ESYT3: variants seen among roughly 807,000 people sequenced by gnomAD.
The protein encoded by ESYT3 is extended synaptotagmin-3.
A neutral mutation model predicts 111.5 loss-of-function variants in ESYT3; 101 were observed. That is an observed-to-expected ratio of 0.91 (90% CI 0.77 to 1.07). The LOEUF (loss-of-function observed/expected upper bound fraction) is 1.07. ESYT3 is among the 50% of genes least tolerant of loss of function. The pLI is 0.00. For synonymous variants in ESYT3, 416 were observed against 446.8 expected (o/e 0.93, Z 0.87); for missense variants, 1,097 against 1,109.4 (o/e 0.99, Z 0.16).
chr3:138,470,932 A>G lies in ESYT3; in HGVS notation c.1646A>G (p.Gln549Arg). The change falls in exon 17 of 23, where the codon CAG (glutamine) becomes CGG (arginine). Residue 549 changes from glutamine to arginine, a missense_variant. Physicochemically the swap from Gln to Arg is conservative, Grantham distance 43. Coordinates refer to ENST00000389567, the MANE Select transcript of ESYT3 (RefSeq NM_031913.5). ...GGAATGCTGGAGGTCCCCCTGTGCCAGATCCTCCCCTATGCTGACCTCACT... is the reference window on the plus strand; with the variant it reads ...GGAATGCTGGAGGTCCCCCTGTGCCGGATCCTCCCCTATGCTGACCTCACT... ...ALGMLEVPLCQILPYADLTLE... is the reference protein window; with the variant it reads ...ALGMLEVPLCRILPYADLTLE... The G allele has an allele frequency of 6.2e-7, 1 of 1,614,164 alleles. No individual in the cohort carries two copies. Among genetic ancestry groups the G allele is most frequent in the Non-Finnish European group, 8.5e-7 (1 of 1,180,028 alleles).
chr3:138,451,133 A>C (rs1379048459), intron 1 of ESYT3, among the ~76,000 whole-genome samples: 1 of 152,268 alleles, frequency 6.6e-6, no homozygotes, highest in Admixed American at 6.5e-5. Context: ...TATGTCATGC[A>C]CAGGTCAGCC....
chr3:138,455,450 C>G, intron 3 of ESYT3, 122 bp downstream of exon 3: 1 of 1,059,952 alleles, frequency 9.4e-7, no homozygotes, highest in Non-Finnish European at 1.3e-6. Context: ...CTGGACCTTA[C>G]AGGGGGACAC....
At chr3:138,459,150 C>T (rs1180921165) in intron 4 of ESYT3, 37 bp from the exon 5 acceptor site, 2 of 1,468,450 alleles carry the variant, frequency 1.4e-6, no homozygotes, top group East Asian at 2.5e-5. Flanking sequence ...TGGACCTACC[C>T]CTCCTCCCCA....
At position 138,460,165 on chromosome 3, in the gene ESYT3, C is replaced by T. The variant is rs574186013; in HGVS notation, c.738+131C>T. ...CCACTGAGACCTGGGCAGTCACACT[C>T]CTTATCTCATTTAATCCTTAAGACA... On this transcript the variant is annotated intron_variant, in intron 6 of 22. Coordinates refer to ENST00000389567, the MANE Select transcript of ESYT3 (RefSeq NM_031913.5). 1.4e-5 allele frequency: 10 copies of T among 728,808 alleles called. No homozygotes were observed. The East Asian group carries it at 2.4e-4, about 18-fold the overall frequency. 45.1% of individuals were successfully genotyped at this position (728,808 alleles called of 1,614,324 possible). A position where few individuals can be genotyped will look rare whatever the true frequency, so the allele number is the denominator to read the frequency against.
At chr3:138,458,996 G>GGGTCTGGGTCA (rs1236104236) in intron 4 of ESYT3, among the ~76,000 whole-genome samples, 191 bp from the exon 5 acceptor site, 3 of 152,122 alleles carry the variant, frequency 2.0e-5, no homozygotes, top group Non-Finnish European at 4.4e-5. Context: ...GCTTGGATCA[G>GGGTCTGGGTCA]GGTCTGGGTC....
rs2033609921 is a variant in ESYT3 at position 138,479,032 on chromosome 3, G to A, written c.*2178G>A. The A allele has an allele frequency of 6.6e-6, 1 of 152,112 alleles. No homozygotes were observed. The highest frequency in any genetic ancestry group is 2.1e-4 in the South Asian group (1 of 4,824). 9.4% of individuals were successfully genotyped at this position (152,112 alleles called of 1,614,324 possible). ...CACATATGCGACAACTGCAGCAGAT[G>A]GCTGTCACTAAAGGGAAACTCACGG... is the stretch of plus-strand genomic sequence containing the variant. On this transcript the variant is annotated 3_prime_UTR_variant, in exon 23 of 23. Coordinates refer to ENST00000389567, the MANE Select transcript of ESYT3 (RefSeq NM_031913.5).
chr3:138,436,631 C>T (rs1418776299), intron 1 of ESYT3, among the ~76,000 whole-genome samples: 5 of 152,176 alleles, frequency 3.3e-5, no homozygotes, highest in Admixed American at 1.3e-4. Flanking sequence ...ATAGGGGTAG[C>T]GCATGGGGCC....
In ESYT3 at chr3:138,452,851, A is replaced by G. The variant is rs190013115; in HGVS notation, c.369+762A>G. ...GGAATGACTTAGGTTAGGTATAAGA[A>G]AGGACTTCCTGATGGATGTTGATCC... On this transcript the variant is annotated intron_variant, in intron 2 of 22. Transcript: ENST00000389567. 8.3e-4 allele frequency among the ~76,000 whole-genome samples: 127 copies of G among 152,300 alleles called. 1 individual carries two copies. Among genetic ancestry groups the G allele is most frequent in the Non-Finnish European group, 1.3e-3 (87 of 68,018 alleles).
At chr3:138,442,012 T>C (rs1187820214) in intron 1 of ESYT3, among the ~76,000 whole-genome samples, 3 of 152,102 alleles carry the variant, frequency 2.0e-5, no homozygotes, top group Non-Finnish European at 4.4e-5. Flanking sequence ...CCAAGGAAAT[T>C]GTCTAGGCTA....
chr3:138,448,839 A>T (rs545644723), intron 1 of ESYT3, among the ~76,000 whole-genome samples: 4 of 152,234 alleles, frequency 2.6e-5, no homozygotes, highest in South Asian at 4.1e-4. Context: ...GCTCACTGGG[A>T]GTGAAGGCAG....
At chr3:138,472,215 G>T in intron 17 of ESYT3, 148 bp from the exon 18 acceptor site, 2 of 1,001,960 alleles carry the variant, frequency 2.0e-6, no homozygotes, top group East Asian at 2.4e-5. Flanking sequence ...CAGAATATTT[G>T]GAACACCATA....
chr3:138,472,372 G>A lies in ESYT3; in HGVS notation c.1750G>A (p.Val584Met). The change falls in exon 18 of 23, where the codon GTG (valine) becomes ATG (methionine). Residue 584 changes from valine (V) to methionine (M), a missense_variant. By Grantham distance (21) the Val-to-Met change is conservative. Coordinates refer to ENST00000389567, the MANE Select transcript of ESYT3 (RefSeq NM_031913.5). ...SMRLVLRFLQ[V>M]EERELGSPYT... is the part of the protein sequence containing the mutation. ...TCTTATCTGCTTGCAGTTCCTGCAA[G>A]TGGAGGAACGAGAGCTGGGGAGCCC... is the stretch of plus-strand genomic sequence containing the variant. 6.2e-7 allele frequency: 1 copy of A among 1,613,300 alleles called. No individual in the cohort carries two copies. Among genetic ancestry groups the A allele is most frequent in the Non-Finnish European group, 8.5e-7 (1 of 1,179,692 alleles).
rs759176715 is a variant in ESYT3, at chr3:138,459,060, A to T, written c.582-127A>T. 3 of 647,036 alleles carry T rather than the reference A, an allele frequency of 4.6e-6. No individual in the cohort carries two copies. In the African/African-American group the frequency reaches 5.5e-5, roughly 12 times the overall value. The allele number at this position is 647,036 out of a possible 1,614,324, so 40.1% of individuals were successfully genotyped here. ...GGCTACTAGGCCATGTGCCCAGTGCATAGAGCTCAGGGTCGGCAACTGGCT... is the reference window on the plus strand; with the variant it reads ...GGCTACTAGGCCATGTGCCCAGTGCTTAGAGCTCAGGGTCGGCAACTGGCT... On this transcript the variant is annotated intron_variant, in intron 4 of 22. Transcript: ENST00000389567.
At chr3:138,469,018 A>T in intron 14 of ESYT3, 137 bp downstream of exon 14, 1 of 939,990 alleles carries the variant, frequency 1.1e-6, no homozygotes, top group South Asian at 1.4e-5. Context: ...CTGATTGTGG[A>T]GTCTACTGTG....
rs199809846 is a variant in ESYT3 at position 138,473,555 on chromosome 3, C to T, written c.2257C>T (p.Arg753Trp). Reference sequence around the variant, plus strand: ...TTACAGAGGTGGGGACCTCAGGCGACGGCAGCTGGGTGAGATTCAGCTCAC... The same window carrying T: ...TTACAGAGGTGGGGACCTCAGGCGATGGCAGCTGGGTGAGATTCAGCTCAC... The part of the protein sequence containing the change: ...LNIEGGDLRR[R>W]QLGEIQLTVR... The change falls in exon 19 of 23, where the codon CGG (arginine) becomes TGG (tryptophan). Residue 753 changes from arginine (R) to tryptophan (W), a missense_variant. Coordinates refer to ENST00000389567, the MANE Select transcript of ESYT3 (RefSeq NM_031913.5). The T allele has an allele frequency of 5.1e-5, 82 of 1,613,464 alleles. No individual in the cohort carries two copies. The African/African-American group carries it at 6.8e-4, about 13-fold the overall frequency.
chr3:138,435,096 G>A lies in ESYT3; in HGVS notation c.298G>A (p.Glu100Lys). The part of the protein sequence containing the change: ...LDNEREFISR[E>K]LRGQHLPAWI... ...CAATGAACGCGAGTTCATCAGCCGC[G>A]AGCTGCGGGGCCAGCACCTGCCAGC... is the stretch of plus-strand genomic sequence containing the variant. The change falls in exon 1 of 23, where the codon GAG becomes AAG. Residue 100 changes from glutamate (E) to lysine (K), a missense_variant. Transcript: ENST00000389567. This position sits in a 1 kb window ranked among gnomAD's most constrained non-coding sequence, Gnocchi z 4.8. 6.3e-7 allele frequency: 1 copy of A among 1,589,452 alleles called. No homozygotes were observed. Among genetic ancestry groups the A allele is most frequent in the African/African-American group, 1.3e-5 (1 of 74,864 alleles).
intron 1 of ESYT3, among the ~76,000 whole-genome samples, chr3:138,448,119 T>C (rs934601480): frequency 1.3e-5 from 2 of 151,282 alleles, no homozygotes; most frequent in Non-Finnish European, 2.9e-5. Context: ...TACAAAAAAT[T>C]AGCCAGGCGT....
In ESYT3 at chr3:138,434,834, C is replaced by T. The variant is rs752924265; in HGVS notation, c.36C>T (p.Pro12=). 3.2e-6 allele frequency: 5 copies of T among 1,555,602 alleles called. No homozygotes were observed. In the South Asian group the frequency reaches 3.6e-5, roughly 11 times the overall value. Residue 12 remains proline (P), a synonymous_variant, in exon 1 of 23, where the codon CCC becomes CCT. Transcript: ENST00000389567. ...AGGAGCCCTGCGCCCCCGGGGCCCC[C>T]AGCGCCCTGGGAGCCCAGCGCACGC... ...RAEEPCAPGA[P]SALGAQRTPG... is the part of the protein sequence containing the mutation.
chr3:138,457,535 C>A (rs1157227656), intron 3 of ESYT3, 33 bp from the exon 4 acceptor site: 4 of 1,608,180 alleles, frequency 2.5e-6, no homozygotes, highest in South Asian at 2.2e-5. Flanking sequence ...CTACAAGAAG[C>A]CTCTGACCTA....
Sources: allele counts gnomAD v4.1 joint callset (sites outside exome capture counted in the v4.1 genomes callset), GRCh38; gene constraint gnomAD v4.1.1; non-coding constraint Gnocchi (gnomAD v3.1); transcripts MANE v1.5; gene names NCBI Gene and HGNC (gene_info 2026-07-23, HGNC 2026-07-21).